Variants in BLMH observed in about 807,000 individuals in gnomAD.
BLMH encodes bleomycin hydrolase.
A neutral mutation model predicts 61.6 loss-of-function variants in BLMH; 32 were observed. The observed-to-expected ratio is 0.52, with a 90% confidence interval of 0.39 to 0.70. The LOEUF is 0.70. Among genes scored for constraint, BLMH ranks in the 30% least tolerant of loss-of-function variants. The pLI is 0.00. For synonymous variants in BLMH, 183 were observed against 193.8 expected (o/e 0.94, Z 0.46); for missense variants, 460 against 555.5 (o/e 0.83, Z 1.73).
intron 5 of BLMH, among the ~76,000 whole-genome samples, chr17:30,286,506 T>A (rs972586516): frequency 6.6e-6 from 1 of 152,134 alleles, no homozygotes; most frequent in Non-Finnish European, 1.5e-5. Context: ...TAGAACCAAG[T>A]GAGAGACACC....
chr17:30,288,013 CA>C, intron 3 of BLMH, 66 bp from the exon 4 acceptor site: 2 of 1,465,450 alleles, frequency 1.4e-6, no homozygotes, highest in Non-Finnish European at 9.3e-7. Flanking sequence ...TTGGCATTAT[CA>C]ACAGAATGGG....
At chr17:30,291,682 C>G (rs1395052941) in intron 1 of BLMH, 125 bp downstream of exon 1, 1 of 1,381,812 alleles carries the variant, frequency 7.2e-7, no homozygotes, top group Non-Finnish European at 9.5e-7. Context: ...CCGATCCAGC[C>G]TGCCCCGAAA....
Position 30,286,698 on chromosome 17 carries a change from A to G in BLMH, c.552+116T>C, listed in dbSNP as rs1360388126. 3 of 658,156 alleles carry G rather than the reference A, an allele frequency of 4.6e-6. No homozygotes were observed. The East Asian group carries it at 9.1e-5, about 20-fold the overall frequency. The allele number at this position is 658,156 out of a possible 1,614,324, so 40.8% of individuals were successfully genotyped here. ...TACATTGCTTTTGACAGACATTGAC[A>G]TTGGTAGTTATCTTGTACACAAACT... On this transcript the variant is annotated intron_variant, in intron 5 of 11. Transcript: ENST00000261714.
At chr17:30,290,310 C>T (rs1185525888) in intron 2 of BLMH, among the ~76,000 whole-genome samples, 1 of 152,184 alleles carries the variant, frequency 6.6e-6, no homozygotes, top group African/African-American at 2.4e-5. Flanking sequence ...ATGTGTAAGA[C>T]CTGACCTGTT....
intron 6 of BLMH, among the ~76,000 whole-genome samples, chr17:30,283,071 A>T (rs1908634708): frequency 6.6e-6 from 1 of 152,166 alleles, no homozygotes; most frequent in African/African-American, 2.4e-5. Context: ...GGGTGGCTGA[A>T]GCAGCATTTG....
At chr17:30,288,285 T>A (rs1164754400) in intron 3 of BLMH, 1 of 211,500 alleles carries the variant, frequency 4.7e-6, no homozygotes, top group East Asian at 1.3e-4. Flanking sequence ...CAATATATTG[T>A]GTATATGTGT....
chr17:30,286,141 T>C (rs768487014), intron 5 of BLMH, among the ~76,000 whole-genome samples: 6 of 152,202 alleles, frequency 3.9e-5, no homozygotes, highest in African/African-American at 1.4e-4. Context: ...GATTTTAAAA[T>C]GTAATCTTTC....
intron 1 of BLMH, 37 bp from the exon 2 acceptor site, chr17:30,291,545 A>G: frequency 6.2e-7 from 1 of 1,607,132 alleles, no homozygotes; most frequent in Non-Finnish European, 8.5e-7. Flanking sequence ...ACGCAAAAAG[A>G]GGGGGAAAGG....
rs758540736 is a variant in BLMH at position 30,285,416 on chromosome 17, G to A, written c.617C>T (p.Ser206Leu). Reference sequence around the variant, plus strand: ...CTCCATCATGACGTCCTGTGTGGCCGAGATTTCTCCTTTGGTTGCTCCACT... The same window carrying A: ...CTCCATCATGACGTCCTGTGTGGCCAAGATTTCTCCTTTGGTTGCTCCACT... ...VHSGATKGEI[S>L]ATQDVMMEEI... is the part of the protein sequence containing the mutation. Residue 206 changes from serine to leucine, a missense_variant, in exon 6 of 12, where the codon TCG becomes TTG. Around this residue, in one of 5 missense-constraint regions of BLMH, gnomAD observed 310 missense variants for 371.1 expected, o/e 0.84. Transcript: ENST00000261714. The A allele has an allele frequency of 9.9e-6, 16 of 1,611,796 alleles. No homozygotes were observed. The highest frequency in any genetic ancestry group is 2.7e-5 in the African/African-American group (2 of 74,832).
intron 11 of BLMH, among the ~76,000 whole-genome samples, chr17:30,258,161 A>T (rs1663825111): frequency 6.6e-6 from 1 of 151,864 alleles, no homozygotes; most frequent in South Asian, 2.1e-4. Flanking sequence ...AATCAAAGAG[A>T]CACCATGTGT....
chr17:30,291,601 T>G, intron 1 of BLMH, 93 bp from the exon 2 acceptor site: 3 of 1,508,708 alleles, frequency 2.0e-6, no homozygotes, highest in Non-Finnish European at 2.7e-6. Flanking sequence ...CGTAAGCGCA[T>G]CCTGGGGTGC....
At chr17:30,283,282 C>A (rs1043669074) in intron 6 of BLMH, among the ~76,000 whole-genome samples, 1 of 152,142 alleles carries the variant, frequency 6.6e-6, no homozygotes, top group African/African-American at 2.4e-5. Context: ...TCTACTATTT[C>A]TCTGAGGCAG....
intron 9 of BLMH, chr17:30,272,315 T>G (rs1908297903): frequency 1.9e-6 from 1 of 533,528 alleles, no homozygotes; most frequent in Non-Finnish European, 3.3e-6. Context: ...GAGGATGGCT[T>G]TTTAGGAACG....
At chr17:30,285,574 A>T in intron 5 of BLMH, 94 bp from the exon 6 acceptor site, 1 of 956,184 alleles carries the variant, frequency 1.0e-6, no homozygotes, top group Non-Finnish European at 1.5e-6. Flanking sequence ...TTGAGGTATA[A>T]CTCAGGCCAG....
chr17:30,272,834 T>TA lies in BLMH; in HGVS notation c.866dup (p.Leu289PhefsTer18). The TA allele has an allele frequency of 6.2e-7, 1 of 1,614,192 alleles. No individual in the cohort carries two copies. The highest frequency in any genetic ancestry group is 8.5e-7 in the Non-Finnish European group (1 of 1,180,028). ...TTTTTCTCCCTCCAACCATATTGCTTAAGTATTCCACTGTGTAAAGTTTGT... is the reference window on the plus strand; with the variant it reads ...TTTTTCTCCCTCCAACCATATTGCTTAAAGTATTCCACTGTGTAAAGTTTGT... On this transcript the variant is annotated frameshift_variant, in exon 8 of 12. Transcript: ENST00000261714. LOFTEE classifies it high-confidence loss of function.
At chr17:30,254,920 A>G (rs1413763404) in intron 11 of BLMH, among the ~76,000 whole-genome samples, 1 of 152,244 alleles carries the variant, frequency 6.6e-6, no homozygotes, top group East Asian at 1.9e-4. Flanking sequence ...ACAAAGTAAT[A>G]CACATACTGT....
chr17:30,269,255 G>A (rs950995104), intron 10 of BLMH, among the ~76,000 whole-genome samples: 2 of 141,254 alleles, frequency 1.4e-5, no homozygotes, highest in African/African-American at 5.3e-5. Flanking sequence ...TTGTCTCACT[G>A]CAACCTCCGC....
rs1907603310 is a variant in BLMH at position 30,249,010 on chromosome 17, G to A, written c.*7C>T. ...CCATGGAAGGAGGAAAGAGCTGGAGGGCAGTATCACTCAGCCAAAGCTCCC... is the reference window on the plus strand; with the variant it reads ...CCATGGAAGGAGGAAAGAGCTGGAGAGCAGTATCACTCAGCCAAAGCTCCC... On this transcript the variant is annotated 3_prime_UTR_variant, in exon 12 of 12. Transcript: ENST00000261714. 6.2e-7 allele frequency: 1 copy of A among 1,613,768 alleles called. No homozygotes were observed. Among genetic ancestry groups the A allele is most frequent in the Admixed American group, 1.7e-5 (1 of 60,010 alleles).
intron 6 of BLMH, among the ~76,000 whole-genome samples, chr17:30,282,493 T>C (rs914703884): frequency 2.0e-5 from 3 of 152,120 alleles, no homozygotes; most frequent in Non-Finnish European, 4.4e-5. Flanking sequence ...GCTGGGATTA[T>C]AGGCATGAGC....
Sources: gnomAD v4.1 joint callset for allele counts (sites outside exome capture counted in the v4.1 genomes callset) on GRCh38, gnomAD v4.1.1 for gene constraint, gnomAD v4.1.1 regional missense constraint, MANE v1.5 for transcripts, NCBI Gene and HGNC (gene_info 2026-07-23, HGNC 2026-07-21) for gene names.